COL4A6: variants seen among roughly 807,000 people sequenced by gnomAD.
COL4A6 encodes the protein collagen alpha-6(IV) chain.
Under a neutral mutation model 126.7 loss-of-function variants are expected in COL4A6, and 59 were observed. The ratio of observed to expected loss-of-function variants is 0.47; its 90% CI spans 0.38 to 0.58. COL4A6 has a LOEUF of 0.58. COL4A6 is among the 20% of genes least tolerant of loss of function. COL4A6 has a pLI of 0.00. For synonymous variants in COL4A6, 547 were observed against 496.6 expected, an observed-to-expected ratio of 1.10 and a Z score of -1.35; for missense variants, 1,285 against 1,337.3, an observed-to-expected ratio of 0.96 and a Z score of 0.61.
chrX:108,436,727 G>A (rs1219063827), intron 2 of COL4A6, among the ~76,000 whole-genome samples: 1 of 111,944 alleles, frequency 8.9e-6, no homozygotes, highest in Non-Finnish European at 1.9e-5. Flanking sequence ...CTGATATTGA[G>A]TTAAGGGGTC....
intron 3 of COL4A6, among the ~76,000 whole-genome samples, chrX:108,276,919 A>C (rs1283194573): frequency 8.9e-6 from 1 of 112,374 alleles, no homozygotes; most frequent in African/African-American, 3.2e-5. Context: ...AGAAAGCTGG[A>C]CTAGATTAAT....
intron 41 of COL4A6, among the ~76,000 whole-genome samples, chrX:108,162,450 GAAGAA>G (rs1050456370): frequency 3.5e-5 from 3 of 85,148 alleles, no homozygotes; most frequent in African/African-American, 1.2e-4. Context: ...GGAAGACGAA[GAAGAA>G]AAGAAGAAGA....
At chrX:108,368,189 C>T (rs1490668557) in intron 2 of COL4A6, among the ~76,000 whole-genome samples, 1 of 109,492 alleles carries the variant, frequency 9.1e-6, no homozygotes, top group African/African-American at 3.3e-5. Context: ...AGCTTACTAT[C>T]TATATACCTA....
At chrX:108,397,067 A>T (rs1232778377) in intron 2 of COL4A6, among the ~76,000 whole-genome samples, 1 of 112,012 alleles carries the variant, frequency 8.9e-6, no homozygotes, top group East Asian at 2.8e-4. Context: ...ATCTTCCACA[A>T]ATTCAGTTAT....
intron 3 of COL4A6, among the ~76,000 whole-genome samples, chrX:108,292,046 A>G (rs2038175179): frequency 8.9e-6 from 1 of 112,095 alleles, no homozygotes; most frequent in Non-Finnish European, 1.9e-5. Flanking sequence ...ATGTAGAATT[A>G]TTATACTCCT....
intron 2 of COL4A6, among the ~76,000 whole-genome samples, chrX:108,405,309 G>A (rs140291664): frequency 1.3e-3 from 141 of 108,919 alleles, no homozygotes; most frequent in African/African-American, 4.4e-3. Context: ...AGTGATTCCC[G>A]TACCTCAGCC....
At chrX:108,213,758 A>T (rs950728639) in intron 6 of COL4A6, 13 of 172,835 alleles carry the variant, frequency 7.5e-5, no homozygotes, top group Non-Finnish European at 9.4e-5. Flanking sequence ...CCATGATCCC[A>T]TATAAGTCTT....
intron 41 of COL4A6, among the ~76,000 whole-genome samples, chrX:108,161,949 C>T (rs745766194): frequency 2.7e-5 from 3 of 111,234 alleles, no homozygotes; most frequent in Non-Finnish European, 5.6e-5. Context: ...GTGCCCTCAA[C>T]TTAGCCTTTC....
At chrX:108,218,782 G>A (rs2035932097) in intron 5 of COL4A6, among the ~76,000 whole-genome samples, 1 of 111,868 alleles carries the variant, frequency 8.9e-6, no homozygotes, top group African/African-American at 3.3e-5. Flanking sequence ...CAATCTCTGA[G>A]AGGCTGTTGG....
intron 8 of COL4A6, 122 bp from the exon 9 acceptor site, chrX:108,206,702 A>G (rs1318330261): frequency 1.6e-6 from 1 of 610,455 alleles, no homozygotes; most frequent in Admixed American, 2.3e-5. Flanking sequence ...TAATAGTCAA[A>G]AATTGGAAAT....
chrX:108,302,504 C>T (rs1467876730), intron 3 of COL4A6, among the ~76,000 whole-genome samples: 6 of 111,532 alleles, frequency 5.4e-5, no homozygotes, highest in African/African-American at 2.0e-4. Context: ...AGTGTGAGCT[C>T]TGCCATGTGC....
Position 108,170,790 on chromosome X carries a change from G to T in COL4A6, c.3385+20C>A, listed in dbSNP as rs1169444703. ...CTAATCCAAACTCTTTCAGAATAAG[G>T]TTATCATGTGGCATGGTACCTGGAG... On this transcript the variant is annotated intron_variant, in intron 34 of 44. Transcript: ENST00000334504. The T allele has an allele frequency of 1.7e-6, 2 of 1,205,959 alleles. No individual in the cohort carries two copies. The highest frequency in any genetic ancestry group is 2.2e-5 in the Admixed American group (1 of 46,083).
intron 2 of COL4A6, among the ~76,000 whole-genome samples, chrX:108,317,604 A>G (rs1057219705): frequency 2.7e-5 from 3 of 111,667 alleles, no homozygotes; most frequent in Non-Finnish European, 5.6e-5. Flanking sequence ...TAATTTTCGT[A>G]TAAGGTGTAA....
chrX:108,346,592 T>C (rs941774179), intron 2 of COL4A6, among the ~76,000 whole-genome samples: 2 of 112,160 alleles, frequency 1.8e-5, no homozygotes, highest in African/African-American at 6.5e-5. Flanking sequence ...CATCAATAGG[T>C]TCTTGGAAAG....
At chrX:108,316,022 C>T (rs1240087924) in intron 2 of COL4A6, among the ~76,000 whole-genome samples, 1 of 111,997 alleles carries the variant, frequency 8.9e-6, no homozygotes, top group Admixed American at 9.5e-5. Context: ...GCCTCTACCA[C>T]CAACCAATAG....
chrX:108,280,910 C>A (rs1329407616), intron 3 of COL4A6, among the ~76,000 whole-genome samples: 1 of 111,868 alleles, frequency 8.9e-6, no homozygotes, highest in African/African-American at 3.3e-5. Flanking sequence ...ATTACCTCAA[C>A]AGATGCAGAA....
At chrX:108,260,240 T>C (rs896147961) in intron 3 of COL4A6, among the ~76,000 whole-genome samples, 2 of 111,397 alleles carry the variant, frequency 1.8e-5, no homozygotes, top group African/African-American at 6.5e-5. Context: ...ATGAGTTGCA[T>C]AATGAGGACC....
chrX:108,406,194 C>T (rs762212089), intron 2 of COL4A6, among the ~76,000 whole-genome samples: 2 of 111,756 alleles, frequency 1.8e-5, no homozygotes, highest in East Asian at 5.7e-4. Context: ...TGGTGTCAAA[C>T]TCCTGGACCC....
In COL4A6 at chrX:108,160,446, T is replaced by G. The variant is rs776515002; in HGVS notation, c.4525+17A>C. The G allele has an allele frequency of 3.7e-5, 44 of 1,176,836 alleles. 1 individual carries two copies. In the South Asian group the frequency reaches 6.9e-4, roughly 18 times the overall value. ...GGGGACAGGTGACCAGGGCTGGCTG[T>G]CAGAGCTGGTACCTACCCAGGTCCT... On this transcript the variant is annotated intron_variant, in intron 43 of 44. Coordinates refer to ENST00000334504, the MANE Select transcript of COL4A6 (RefSeq NM_033641.4).
Sources: allele counts gnomAD v4.1 joint callset (sites outside exome capture counted in the v4.1 genomes callset), GRCh38; gene constraint gnomAD v4.1.1; transcripts MANE v1.5; gene names NCBI Gene and HGNC (gene_info 2026-07-23, HGNC 2026-07-21).